Variants in SLC9C1 observed in about 807,000 individuals in gnomAD.
SLC9C1 encodes sodium/hydrogen exchanger 10.
In SLC9C1, 97 loss-of-function variants were observed where a neutral mutation model predicts 140.9. The observed-to-expected ratio is 0.69, with a 90% CI of 0.58 to 0.82. SLC9C1 has a LOEUF of 0.82. SLC9C1 is among the 40% of genes least tolerant of loss of function. The pLI is 0.00. For missense variants in SLC9C1, 1,340 were observed against 1,389.3 expected, an observed-to-expected ratio of 0.96 and a Z score of 0.56; for synonymous variants, 440 against 442.6, an observed-to-expected ratio of 0.99 and a Z score of 0.07.
At chr3:112,262,222 T>C (rs1282332622) in intron 10 of SLC9C1, among the ~76,000 whole-genome samples, 1 of 152,004 alleles carries the variant, frequency 6.6e-6, no homozygotes, top group South Asian at 2.1e-4. Flanking sequence ...CTTGTAGAAA[T>C]AGATAGAAGG....
At chr3:112,175,660 G>A (rs572318435) in intron 23 of SLC9C1, among the ~76,000 whole-genome samples, 22 of 152,338 alleles carry the variant, frequency 1.4e-4, no homozygotes, top group African/African-American at 5.0e-4. Flanking sequence ...GAGGACCCCA[G>A]TTGGGAGATT....
intron 26 of SLC9C1, among the ~76,000 whole-genome samples, chr3:112,159,583 T>C (rs62277462): frequency 0.3 from 45,793 of 151,948 alleles, 7,127 homozygotes; most frequent in African/African-American, 0.35. Flanking sequence ...GCTCATTTGG[T>C]GTAGGGTCTA....
intron 1 of SLC9C1, among the ~76,000 whole-genome samples, chr3:112,293,053 G>C (rs1002583296): frequency 1.3e-5 from 2 of 149,172 alleles, no homozygotes; most frequent in Admixed American, 1.3e-4. Flanking sequence ...TGGATCACTT[G>C]AGATCAGGAG....
chr3:112,197,856 G>T (rs1261022914), intron 20 of SLC9C1, among the ~76,000 whole-genome samples: 1 of 152,074 alleles, frequency 6.6e-6, no homozygotes, highest in Admixed American at 6.6e-5. Context: ...TTATTTTATG[G>T]ATGATTCATG....
At chr3:112,204,957 G>T (rs1009057533) in intron 16 of SLC9C1, among the ~76,000 whole-genome samples, 3 of 151,794 alleles carry the variant, frequency 2.0e-5, no homozygotes, top group African/African-American at 4.8e-5. Flanking sequence ...TTTCATTCTG[G>T]GATAACGCAG....
At chr3:112,199,858 C>T (rs753798985) in intron 19 of SLC9C1, among the ~76,000 whole-genome samples, 34 of 152,002 alleles carry the variant, frequency 2.2e-4, no homozygotes, top group Admixed American at 1.2e-3. Flanking sequence ...TGATTAAATA[C>T]GGCTTCTGAT....
In SLC9C1 at chr3:112,199,533, A is replaced by C. The variant is rs950168361; in HGVS notation, c.2375-64T>G. 4 of 1,337,054 alleles carry C rather than the reference A, an allele frequency of 3.0e-6. No individual in the cohort carries two copies. In the African/African-American group the frequency reaches 6.0e-5, roughly 20 times the overall value. The allele number at this position is 1,337,054 out of a possible 1,614,324, so 82.8% of individuals were successfully genotyped here. The stretch of plus-strand genomic sequence containing the variant: ...ATTGTTTTAAATGTTTTATGTGGAC[A>C]ATAAGCTAAGTTTCTGTTCTAAACC... On this transcript the variant is annotated intron_variant, in intron 19 of 28. Transcript: ENST00000305815.
At chr3:112,150,226 G>T (rs1010514628) in intron 28 of SLC9C1, among the ~76,000 whole-genome samples, 2 of 152,132 alleles carry the variant, frequency 1.3e-5, no homozygotes, top group African/African-American at 4.8e-5. Flanking sequence ...AAAAATGACT[G>T]ACTTTTTATG....
At chr3:112,154,383 A>G (rs1284268575) in intron 27 of SLC9C1, among the ~76,000 whole-genome samples, 1 of 152,168 alleles carries the variant, frequency 6.6e-6, no homozygotes, top group Non-Finnish European at 1.5e-5. Context: ...GCTCAGTTTC[A>G]GTTCCAGAGT....
chr3:112,285,425 GA>G (rs1271294458), intron 2 of SLC9C1, among the ~76,000 whole-genome samples: 1 of 152,146 alleles, frequency 6.6e-6, no homozygotes, highest in Non-Finnish European at 1.5e-5. Context: ...GTTTTTAGTA[GA>G]GACGGGACTT....
At chr3:112,156,706 T>C (rs2075137202) in intron 26 of SLC9C1, among the ~76,000 whole-genome samples, 1 of 152,154 alleles carries the variant, frequency 6.6e-6, no homozygotes, top group Non-Finnish European at 1.5e-5. Context: ...TTTGTCTTTT[T>C]GACAGTAGTC....
chr3:112,216,684 A>C (rs1406219832), intron 15 of SLC9C1, among the ~76,000 whole-genome samples: 1 of 152,078 alleles, frequency 6.6e-6, no homozygotes, highest in Admixed American at 6.6e-5. Flanking sequence ...TTAGAATGGC[A>C]ATCATTAAAG....
At position 112,266,349 on chromosome 3, in the gene SLC9C1, A is replaced by T. The variant is rs754837461; in HGVS notation, c.776-9T>A. On this transcript the variant is annotated splice_polypyrimidine_tract_variant and intron_variant, in intron 7 of 28. Coordinates refer to ENST00000305815, the MANE Select transcript of SLC9C1 (RefSeq NM_183061.3). The stretch of plus-strand genomic sequence containing the variant: ...CATTCCAACTAACTCACCTATTTTT[A>T]AAAAGAAATAAATATAAAGTATTAA... 2 of 1,571,766 alleles carry T rather than the reference A, an allele frequency of 1.3e-6. No homozygotes were observed. The highest frequency in any genetic ancestry group is 1.2e-5 in the South Asian group (1 of 84,584).
chr3:112,216,395 A>C (rs2078369789), intron 15 of SLC9C1, among the ~76,000 whole-genome samples: 1 of 152,196 alleles, frequency 6.6e-6, no homozygotes, highest in Admixed American at 6.5e-5. Flanking sequence ...ACAGCAAAAG[A>C]AACTACCATC....
chr3:112,206,663 A>G (rs2078059591), intron 16 of SLC9C1, among the ~76,000 whole-genome samples: 1 of 152,140 alleles, frequency 6.6e-6, no homozygotes, highest in Admixed American at 6.5e-5. Flanking sequence ...CTACGCAGCC[A>G]TAAAAAAGGA....
At chr3:112,271,409 A>ATATATATATATATATATATATT (rs1013241776) in intron 6 of SLC9C1, among the ~76,000 whole-genome samples, 1 of 149,246 alleles carries the variant, frequency 6.7e-6, no homozygotes, top group African/African-American at 2.4e-5. Flanking sequence ...ATATATATAT[A>ATATATATATATATATATATATT]TCAAAGCCTC....
chr3:112,205,640 G>GACTTCAACCT (rs1491453956), intron 16 of SLC9C1, among the ~76,000 whole-genome samples: 1 of 56,388 alleles, frequency 1.8e-5, no homozygotes, highest in Admixed American at 2.5e-4. Flanking sequence ...GCATGGTACT[G>GACTTCAACCT]GTACCAAAAC....
chr3:112,275,297 TA>T (rs1342818072), intron 5 of SLC9C1, among the ~76,000 whole-genome samples: 1 of 152,166 alleles, frequency 6.6e-6, no homozygotes, highest in Non-Finnish European at 1.5e-5. Flanking sequence ...TTGTTCTATA[TA>T]AATACATGCA....
At chr3:112,227,551 C>A (rs773892848) in intron 13 of SLC9C1, among the ~76,000 whole-genome samples, 6 of 152,092 alleles carry the variant, frequency 3.9e-5, no homozygotes, top group Admixed American at 3.9e-4. Context: ...ATGATAAAAA[C>A]TCCCAATAAA....
Sources: allele counts gnomAD v4.1 joint callset (sites outside exome capture counted in the v4.1 genomes callset), GRCh38; gene constraint gnomAD v4.1.1; transcripts MANE v1.5; gene names NCBI Gene and HGNC (gene_info 2026-07-23, HGNC 2026-07-21).